Variants in SORCS2 observed in about 807,000 individuals in gnomAD.
SORCS2 encodes the protein sortilin related VPS10 domain containing receptor 2.
Under a neutral mutation model 141.6 loss-of-function variants are expected in SORCS2, and 100 were observed. The observed-to-expected ratio is 0.71, with a 90% confidence interval of 0.60 to 0.83. The LOEUF is 0.83. Among genes scored for constraint, SORCS2 ranks in the 40% least tolerant of loss-of-function variants. The pLI, the probability that SORCS2 is intolerant of heterozygous loss-of-function variation, is 0.00. For synonymous variants in SORCS2, 789 were observed against 676.9 expected (o/e 1.17, Z -2.57); for missense variants, 1,646 against 1,560.2 (o/e 1.05, Z -0.93).
chr4:7,556,226 C>T (rs552699098), intron 3 of SORCS2, among the ~76,000 whole-genome samples: 13 of 152,134 alleles, frequency 8.5e-5, no homozygotes, highest in Non-Finnish European at 1.8e-4. Flanking sequence ...GTGGAGTTCC[C>T]GTCCTCCTTC....
chr4:7,288,813 C>A, intron 1 of SORCS2, among the ~76,000 whole-genome samples: 1 of 146,752 alleles, frequency 6.8e-6, no homozygotes, highest in Non-Finnish European at 1.5e-5. Flanking sequence ...TTGGGGAGGG[C>A]ACAGTTCAGT....
intron 1 of SORCS2, among the ~76,000 whole-genome samples, chr4:7,314,800 GTTTTTTTTTTTTTT>G (rs397880294): frequency 0.34 from 37,565 of 110,694 alleles, 5,346 homozygotes; most frequent in East Asian, 0.54. Flanking sequence ...CCACTGTTCT[GTTTTTTTTTTTTTT>G]TTTTTTTTTT....
intron 1 of SORCS2, among the ~76,000 whole-genome samples, chr4:7,299,836 G>A (rs991806128): frequency 2.0e-5 from 3 of 152,212 alleles, no homozygotes; most frequent in African/African-American, 4.8e-5. Context: ...CCATCTTACC[G>A]TCCAGCCAGG....
intron 11 of SORCS2, among the ~76,000 whole-genome samples, chr4:7,692,774 C>T (rs1029399438): frequency 7.9e-5 from 12 of 152,238 alleles, no homozygotes; most frequent in Middle Eastern, 3.4e-3. Context: ...TCTGCCAAGC[C>T]GACACACAGG....
At chr4:7,581,849 C>T (rs1716179130) in intron 3 of SORCS2, among the ~76,000 whole-genome samples, 1 of 152,180 alleles carries the variant, frequency 6.6e-6, no homozygotes, top group African/African-American at 2.4e-5. Context: ...TATCAAAAAG[C>T]AGGTTACTCA....
Position 7,241,999 on chromosome 4 carries a change from G to A in SORCS2, c.480+48873G>A, listed in dbSNP as rs563374332. On this transcript the variant is annotated intron_variant, in intron 1 of 26. Transcript: ENST00000507866. ...GTGCAGCTTGACTGTTGGGGGTACCGGGCAGAGGCTGCCGTTTGACTGGCG... is the reference window on the plus strand; with the variant it reads ...GTGCAGCTTGACTGTTGGGGGTACCAGGCAGAGGCTGCCGTTTGACTGGCG... 1.9e-3 allele frequency among the ~76,000 whole-genome samples: 296 copies of A among 152,252 alleles called. 1 individual carries two copies. The highest frequency in any genetic ancestry group is 6.8e-3 in the Middle Eastern group (2 of 294).
At chr4:7,481,005 T>C (rs1322170297) in intron 2 of SORCS2, among the ~76,000 whole-genome samples, 1 of 152,196 alleles carries the variant, frequency 6.6e-6, no homozygotes, top group African/African-American at 2.4e-5. Context: ...CTGAGGGGCT[T>C]CTCCTCCTAG....
intron 1 of SORCS2, among the ~76,000 whole-genome samples, chr4:7,336,949 G>A (rs1301164496): frequency 2.0e-5 from 3 of 152,156 alleles, no homozygotes; most frequent in Non-Finnish European, 2.9e-5. Context: ...ATCTGAGAGT[G>A]GGAGCCATGA....
At chr4:7,629,389 A>T (rs573796902) in intron 3 of SORCS2, among the ~76,000 whole-genome samples, 1 of 152,238 alleles carries the variant, frequency 6.6e-6, no homozygotes, top group East Asian at 1.9e-4. Context: ...GGGACCTCGG[A>T]TGTGGAACAA....
At chr4:7,369,729 G>A (rs755865989) in intron 1 of SORCS2, among the ~76,000 whole-genome samples, 19 of 152,132 alleles carry the variant, frequency 1.2e-4, no homozygotes, top group East Asian at 5.8e-4. Context: ...GCCTCTGGTC[G>A]GCTTTGCAGG....
At chr4:7,384,226 T>C (rs1577477100) in intron 1 of SORCS2, among the ~76,000 whole-genome samples, 1 of 152,152 alleles carries the variant, frequency 6.6e-6, no homozygotes, top group Non-Finnish European at 1.5e-5. Flanking sequence ...GGGCAGGTAA[T>C]GCCTCTCGGT....
In SORCS2 at chr4:7,223,295, G is replaced by GCGCA. The variant is rs1491340719; in HGVS notation, c.480+30170_480+30171insGCAC. Among the ~76,000 whole-genome samples, 1,257 of 129,732 alleles carry GCGCA rather than the reference G, an allele frequency of 9.7e-3. 18 individuals carry two copies. The highest frequency in any genetic ancestry group is 0.031 in the African/African-American group (1,164 of 37,022). The allele number at this position is 129,732 out of a possible 152,430, so 85.1% of individuals were successfully genotyped here. A position where few individuals can be genotyped will look rare whatever the true frequency, so the allele number is the denominator to read the frequency against. On this transcript the variant is annotated intron_variant, in intron 1 of 26. Transcript: ENST00000507866. ...AAGAAAAGGACCTTAGTGTATATGC[G>GCGCA]CACACACACACACACACACACACTC...
intron 2 of SORCS2, among the ~76,000 whole-genome samples, chr4:7,422,285 C>A (rs1391628546): frequency 5.3e-5 from 8 of 152,276 alleles, no homozygotes; most frequent in Non-Finnish European, 2.9e-5. Context: ...TCGGGCCATG[C>A]CGTTCTCTGG....
chr4:7,700,316 A>G (rs1474362236), intron 12 of SORCS2, among the ~76,000 whole-genome samples: 2 of 152,208 alleles, frequency 1.3e-5, no homozygotes, highest in Non-Finnish European at 1.5e-5. Flanking sequence ...TCGAGGGTAA[A>G]GATGACAGGG....
chr4:7,288,932 G>T (rs987182870), intron 1 of SORCS2, among the ~76,000 whole-genome samples: 1 of 151,688 alleles, frequency 6.6e-6, no homozygotes, highest in Non-Finnish European at 1.5e-5. Flanking sequence ...TGGTGTCTGT[G>T]CCACCTCCTC....
intron 1 of SORCS2, among the ~76,000 whole-genome samples, chr4:7,219,352 C>G (rs762306170): frequency 1.3e-5 from 2 of 152,110 alleles, no homozygotes; most frequent in South Asian, 4.1e-4. Flanking sequence ...CTATCTAGGC[C>G]GCATTCTAAG....
intron 2 of SORCS2, among the ~76,000 whole-genome samples, chr4:7,494,699 C>A (rs1731507952): frequency 6.6e-6 from 1 of 152,214 alleles, no homozygotes; most frequent in African/African-American, 2.4e-5. Flanking sequence ...AACATTCAGT[C>A]CATGAAACAG....
chr4:7,237,712 A>C (rs1712382391), intron 1 of SORCS2, among the ~76,000 whole-genome samples: 1 of 152,082 alleles, frequency 6.6e-6, no homozygotes, highest in East Asian at 1.9e-4. Context: ...ATAAAGTGGG[A>C]ATAATAATAC....
intron 1 of SORCS2, among the ~76,000 whole-genome samples, chr4:7,220,679 G>A (rs1728649002): frequency 6.6e-6 from 1 of 152,200 alleles, no homozygotes; most frequent in Non-Finnish European, 1.5e-5. Context: ...GGACCTGAAT[G>A]AAGTGCTCGT....
Sources: gnomAD v4.1 joint callset for allele counts (sites outside exome capture counted in the v4.1 genomes callset) on GRCh38, gnomAD v4.1.1 for gene constraint, MANE v1.5 for transcripts, NCBI Gene and HGNC (gene_info 2026-07-23, HGNC 2026-07-21) for gene names.